Variants in UTRN observed in about 807,000 individuals in gnomAD.
UTRN encodes utrophin.
A neutral mutation model predicts 463.9 loss-of-function variants in UTRN; 283 were observed. The ratio of observed to expected loss-of-function variants is 0.61; its 90% CI spans 0.55 to 0.67. The LOEUF is 0.67. UTRN is among the 30% of genes least tolerant of loss of function. UTRN has a pLI of 0.00. For missense variants in UTRN, 3,922 were observed against 4,084.3 expected (o/e 0.96, Z 1.08); for synonymous variants, 1,442 against 1,431.5 (o/e 1.01, Z -0.17).
At chr6:144,380,640 A>G (rs556614961) in intron 2 of UTRN, among the ~76,000 whole-genome samples, 29 of 151,938 alleles carry the variant, frequency 1.9e-4, no homozygotes, top group Non-Finnish European at 2.6e-4. Context: ...GCAAGACTCC[A>G]TCTCTAAAAT....
At chr6:144,543,612 C>G (rs1798165458) in intron 46 of UTRN, among the ~76,000 whole-genome samples, 1 of 152,116 alleles carries the variant, frequency 6.6e-6, no homozygotes, top group Non-Finnish European at 1.5e-5. Context: ...TTTCTTCTCC[C>G]TTGTCCTTCT....
intron 2 of UTRN, among the ~76,000 whole-genome samples, chr6:144,301,731 C>T (rs1433830654): frequency 3.3e-5 from 5 of 151,778 alleles, no homozygotes; most frequent in Non-Finnish European, 5.9e-5. Flanking sequence ...AGTGGAGTTT[C>T]ACCACGTTGC....
chr6:144,285,908 T>A (rs1319928429), intron 1 of UTRN, 87 bp downstream of exon 1: 1 of 152,222 alleles, frequency 6.6e-6, no homozygotes, highest in African/African-American at 2.4e-5. Flanking sequence ...GGAGGATGGC[T>A]CTTTCTGTGG....
chr6:144,665,663 T>C (rs1247291391), intron 51 of UTRN, among the ~76,000 whole-genome samples: 1 of 152,212 alleles, frequency 6.6e-6, no homozygotes, highest in Non-Finnish European at 1.5e-5. Context: ...GTGGGTGTTG[T>C]TTACAGAAAG....
At chr6:144,764,132 G>A (rs1392861482) in intron 58 of UTRN, among the ~76,000 whole-genome samples, 1 of 152,120 alleles carries the variant, frequency 6.6e-6, no homozygotes, top group Non-Finnish European at 1.5e-5. Flanking sequence ...GTCTGCTGAT[G>A]GGGAGGTAAG....
intron 65 of UTRN, among the ~76,000 whole-genome samples, chr6:144,811,452 A>T (rs1778603964): frequency 1.3e-5 from 2 of 152,018 alleles, no homozygotes; most frequent in South Asian, 4.1e-4. Flanking sequence ...CTCTCCTTAC[A>T]TCGTTTTACC....
intron 51 of UTRN, among the ~76,000 whole-genome samples, chr6:144,594,371 A>G (rs1052646158): frequency 6.6e-6 from 1 of 152,054 alleles, no homozygotes; most frequent in Non-Finnish European, 1.5e-5. Context: ...ATGTGCATTT[A>G]TTTTTGTGGA....
At chr6:144,796,507 A>T (rs1465850512) in intron 63 of UTRN, among the ~76,000 whole-genome samples, 1 of 152,216 alleles carries the variant, frequency 6.6e-6, no homozygotes, top group Non-Finnish European at 1.5e-5. Context: ...TAAAATATAT[A>T]TACATTAAAG....
chr6:144,795,978 G>A (rs1777178429), intron 63 of UTRN, among the ~76,000 whole-genome samples: 1 of 152,116 alleles, frequency 6.6e-6, no homozygotes, highest in Non-Finnish European at 1.5e-5. Flanking sequence ...TAGTCATGAA[G>A]TCTTTGCCCA....
intron 23 of UTRN, among the ~76,000 whole-genome samples, chr6:144,472,536 G>A (rs1211697588): frequency 1.3e-5 from 2 of 152,010 alleles, no homozygotes; most frequent in Admixed American, 6.6e-5. Context: ...CAGAATAGTT[G>A]GTTCTGGGTG....
At chr6:144,771,748 A>G (rs1477616984) in intron 58 of UTRN, among the ~76,000 whole-genome samples, 159 bp from the exon 59 acceptor site, 1 of 152,032 alleles carries the variant, frequency 6.6e-6, no homozygotes, top group Non-Finnish European at 1.5e-5. Flanking sequence ...TTAAGTAACA[A>G]TTGGGCATTG....
intron 2 of UTRN, among the ~76,000 whole-genome samples, chr6:144,353,405 T>C (rs923604775): frequency 6.7e-6 from 1 of 149,666 alleles, no homozygotes; most frequent in Non-Finnish European, 1.5e-5. Context: ...TGAACCAACG[T>C]GCCCGGCCCT....
intron 51 of UTRN, among the ~76,000 whole-genome samples, chr6:144,581,032 A>G (rs1801921616): frequency 6.6e-6 from 1 of 152,218 alleles, no homozygotes; most frequent in Admixed American, 6.5e-5. Context: ...ATAGAAGAAA[A>G]TGTCAGAGCA....
In UTRN at chr6:144,448,739, A is replaced by G; in HGVS notation, c.2042A>G (p.Gln681Arg). The change falls in exon 17 of 75, where the codon CAG becomes CGG. Residue 681 changes from glutamine to arginine, a missense_variant. Physicochemically the swap from Gln to Arg is conservative, Grantham distance 43 (BLOSUM62 1). Coordinates refer to ENST00000367545, the MANE Select transcript of UTRN (RefSeq NM_007124.3). The stretch of plus-strand genomic sequence containing the variant: ...CCTCCTCCTCCCCCAAAGAAGAGAC[A>G]GATCCATGTGGATATTGAAGCTAAG... ...LPPPPPPKKR[Q>R]IHVDIEAKKK... The G allele has an allele frequency of 6.2e-7, 1 of 1,614,000 alleles. No individual in the cohort carries two copies. The highest frequency in any genetic ancestry group is 1.7e-5 in the Admixed American group (1 of 60,006).
At chr6:144,365,854 C>T (rs781100539) in intron 2 of UTRN, among the ~76,000 whole-genome samples, 2 of 152,166 alleles carry the variant, frequency 1.3e-5, no homozygotes, top group Admixed American at 6.5e-5. Flanking sequence ...TCTCCTGCTT[C>T]GGCCTCCTGC....
chr6:144,641,384 T>C (rs539484280), intron 51 of UTRN, among the ~76,000 whole-genome samples: 55 of 152,296 alleles, frequency 3.6e-4, no homozygotes, highest in South Asian at 8.3e-4. Flanking sequence ...TAAGGGGTTG[T>C]GAAGACTAAA....
intron 38 of UTRN, 138 bp downstream of exon 38, chr6:144,516,525 C>A: frequency 2.9e-6 from 3 of 1,033,258 alleles, no homozygotes; most frequent in Non-Finnish European, 2.7e-6. Flanking sequence ...TGATGTGTGT[C>A]AATGTAAGAG....
At chr6:144,713,621 A>AT (rs1786005010) in intron 53 of UTRN, among the ~76,000 whole-genome samples, 5 of 148,100 alleles carry the variant, frequency 3.4e-5, no homozygotes, top group East Asian at 2.0e-4. Flanking sequence ...TCTCAAAAAA[A>AT]AAAATAAATA....
Position 144,678,334 on chromosome 6 carries a change from C to T in UTRN, c.7480-72C>T. On this transcript the variant is annotated intron_variant, in intron 51 of 74. Transcript: ENST00000367545. ...TGAAATGAACTATTTTGCTTGAGAG[C>T]AACTCATCTGTGAATATAAAGATAT... The T allele has an allele frequency of 2.8e-6, 4 of 1,423,384 alleles. No individual in the cohort carries two copies. The African/African-American group carries it at 4.3e-5, about 15-fold the overall frequency. 88.2% of individuals were successfully genotyped at this position (1,423,384 alleles called of 1,614,324 possible). A position where few individuals can be genotyped will look rare whatever the true frequency, so the allele number is the denominator to read the frequency against.
Sources: gnomAD v4.1 joint callset for allele counts (sites outside exome capture counted in the v4.1 genomes callset) on GRCh38, gnomAD v4.1.1 for gene constraint, MANE v1.5 for transcripts, NCBI Gene and HGNC (gene_info 2026-07-23, HGNC 2026-07-21) for gene names.